The following CACNA2D1 variants were observed in gnomAD, a reference collection of about 807,000 sequenced individuals.
CACNA2D1 encodes voltage-dependent calcium channel subunit alpha-2/delta-1.
Under a neutral mutation model 171.5 loss-of-function variants are expected in CACNA2D1, and 53 were observed. The ratio of observed to expected loss-of-function variants is 0.31; its 90% CI spans 0.25 to 0.39. The LOEUF is 0.39. CACNA2D1 is among the 10% of genes least tolerant of loss of function. The pLI is 1.00. For synonymous variants in CACNA2D1, 442 were observed against 443.1 expected (o/e 1.00, Z 0.03); for missense variants, 903 against 1,299.8 (o/e 0.69, Z 4.69).
At chr7:81,968,833 T>C in intron 29 of CACNA2D1, 54 bp downstream of exon 29, 1 of 980,720 alleles carries the variant, frequency 1.0e-6, no homozygotes. Flanking sequence ...ATAATATAAA[T>C]GCCAAGTAAC....
chr7:81,959,212 G>T, intron 38 of CACNA2D1, 63 bp downstream of exon 38: 1 of 1,180,854 alleles, frequency 8.5e-7, no homozygotes. Flanking sequence ...TTGTATCCTT[G>T]AATTCTTGCG....
intron 4 of CACNA2D1, among the ~76,000 whole-genome samples, chr7:82,158,920 G>A (rs1309083573): frequency 6.6e-6 from 1 of 151,818 alleles, no homozygotes; most frequent in East Asian, 1.9e-4. Context: ...ATTCTATGTT[G>A]TATAATCAAT....
intron 3 of CACNA2D1, among the ~76,000 whole-genome samples, chr7:82,281,154 G>A (rs947992513): frequency 6.6e-5 from 10 of 152,284 alleles, no homozygotes; most frequent in Admixed American, 6.5e-4. Context: ...GTTCTCAGGA[G>A]ACTCTGGTTT....
At chr7:82,422,860 G>C (rs1828837043) in intron 1 of CACNA2D1, among the ~76,000 whole-genome samples, 1 of 150,998 alleles carries the variant, frequency 6.6e-6, no homozygotes. Context: ...CAATAGAACA[G>C]AAAATAAGCA....
At chr7:82,159,868 T>C (rs1042215303) in intron 4 of CACNA2D1, among the ~76,000 whole-genome samples, 13 of 70,290 alleles carry the variant, frequency 1.8e-4, no homozygotes, top group Non-Finnish European at 1.2e-4. Flanking sequence ...ATACCAGTTA[T>C]AGAAAACAGA....
rs781179302 is a variant in CACNA2D1 at position 82,005,785 on chromosome 7, T to G, written c.1495A>C (p.Arg499=). Residue 499 remains arginine (R), a synonymous_variant, in exon 17 of 39, where the codon AGA becomes CGA. Transcript: ENST00000356860. ...CTTACTGTAAAACGTGGTGTCAGTC[T>G]TTTAATATCTTCCAAAGACACATCT... ...GVDVSLEDIK[R]LTPRFTLCPN... is the part of the protein sequence containing the mutation. The G allele has an allele frequency of 1.2e-6, 2 of 1,604,432 alleles. No homozygotes were observed. The highest frequency in any genetic ancestry group is 2.7e-5 in the African/African-American group (2 of 74,714).
At chr7:82,344,445 G>A (rs918232949) in intron 2 of CACNA2D1, among the ~76,000 whole-genome samples, 2 of 152,082 alleles carry the variant, frequency 1.3e-5, no homozygotes, top group Non-Finnish European at 2.9e-5. Context: ...GTTAATTAAC[G>A]GCCGGAAGAG....
intron 5 of CACNA2D1, among the ~76,000 whole-genome samples, chr7:82,119,042 A>C (rs1265805517): frequency 1.3e-5 from 2 of 152,076 alleles, no homozygotes; most frequent in Admixed American, 1.3e-4. Flanking sequence ...AAATACAGTA[A>C]ATATTATATA....
At chr7:81,991,150 G>A (rs1797501510) in intron 21 of CACNA2D1, 35 bp downstream of exon 21, 13 of 1,013,482 alleles carry the variant, frequency 1.3e-5, no homozygotes, top group African/African-American at 4.7e-5. Context: ...TTAATCCATT[G>A]GAATACACAA....
chr7:82,217,051 C>T (rs375356098), intron 3 of CACNA2D1, among the ~76,000 whole-genome samples: 1 of 151,846 alleles, frequency 6.6e-6, no homozygotes, highest in Non-Finnish European at 1.5e-5. Context: ...GTGCTGTTTC[C>T]TTTATTTTCA....
intron 1 of CACNA2D1, among the ~76,000 whole-genome samples, chr7:82,373,784 T>C (rs1369019840): frequency 6.6e-6 from 1 of 152,240 alleles, no homozygotes; most frequent in Non-Finnish European, 1.5e-5. Flanking sequence ...AATGTATAAA[T>C]AGTTATTTAC....
chr7:82,352,307 A>G (rs565878507), intron 1 of CACNA2D1, among the ~76,000 whole-genome samples: 1 of 152,358 alleles, frequency 6.6e-6, no homozygotes, highest in Admixed American at 6.5e-5. Flanking sequence ...TCATCATGAA[A>G]GTAAAAAATT....
At chr7:82,247,847 G>A (rs1410145412) in intron 3 of CACNA2D1, among the ~76,000 whole-genome samples, 6 of 152,162 alleles carry the variant, frequency 3.9e-5, no homozygotes, top group Non-Finnish European at 7.3e-5. Flanking sequence ...TGAATTCTAT[G>A]AAATACTGAA....
chr7:82,129,878 T>C, intron 5 of CACNA2D1, among the ~76,000 whole-genome samples: 1 of 152,192 alleles, frequency 6.6e-6, no homozygotes, highest in East Asian at 1.9e-4. Context: ...GTGCTAATGA[T>C]ATAAAACATT....
At chr7:82,198,380 T>G (rs752693731) in intron 3 of CACNA2D1, among the ~76,000 whole-genome samples, 6 of 152,094 alleles carry the variant, frequency 3.9e-5, no homozygotes, top group Admixed American at 3.9e-4. Context: ...GTCTCATTAT[T>G]TACCACCTGC....
chr7:82,350,582 G>A (rs1819743526), intron 1 of CACNA2D1, among the ~76,000 whole-genome samples: 2 of 152,088 alleles, frequency 1.3e-5, no homozygotes, highest in East Asian at 3.9e-4. Context: ...GGAGAATGGC[G>A]TGAACCCAAG....
At chr7:82,042,911 CTAGCT>C (rs1355789075) in intron 10 of CACNA2D1, among the ~76,000 whole-genome samples, 1 of 152,052 alleles carries the variant, frequency 6.6e-6, no homozygotes, top group African/African-American at 2.4e-5. Flanking sequence ...TCTCTGTATC[CTAGCT>C]TAATAAATAG....
chr7:82,256,894 T>C (rs1806373979), intron 3 of CACNA2D1, among the ~76,000 whole-genome samples: 1 of 152,224 alleles, frequency 6.6e-6, no homozygotes, highest in South Asian at 2.1e-4. Flanking sequence ...GTACTTTCTG[T>C]GAATATACTA....
chr7:82,215,492 C>A lies in CACNA2D1; in HGVS notation c.295-44883G>T, dbSNP rs1158381366. 3.9e-5 allele frequency among the ~76,000 whole-genome samples: 6 copies of A among 152,130 alleles called. No individual in the cohort carries two copies. In the East Asian group the frequency reaches 9.6e-4, roughly 24 times the overall value. ...TCTTGTAATTTCACTCCAAATAAACCATTCCATGAAAATAAATATGATTTC... is the reference window on the plus strand; with the variant it reads ...TCTTGTAATTTCACTCCAAATAAACAATTCCATGAAAATAAATATGATTTC... On this transcript the variant is annotated intron_variant, in intron 3 of 38. Coordinates refer to ENST00000356860, the MANE Select transcript of CACNA2D1 (RefSeq NM_000722.4).
Sources: gnomAD v4.1 joint callset for allele counts (sites outside exome capture counted in the v4.1 genomes callset) on GRCh38, gnomAD v4.1.1 for gene constraint, MANE v1.5 for transcripts, NCBI Gene and HGNC (gene_info 2026-07-23, HGNC 2026-07-21) for gene names.